MAP3K2: variants seen among roughly 807,000 people sequenced by gnomAD.
The protein encoded by MAP3K2 is mitogen-activated protein kinase kinase kinase 2.
A neutral mutation model predicts 80.3 loss-of-function variants in MAP3K2; 24 were observed. That is an observed-to-expected ratio of 0.30 (90% CI 0.22 to 0.42). The LOEUF (loss-of-function observed/expected upper bound fraction) is 0.42, where lower values mean the gene tolerates loss of function less well. MAP3K2 is among the 10% of genes least tolerant of loss of function. The pLI is 1.00. For missense variants in MAP3K2, 608 were observed against 750.1 expected (o/e 0.81, Z 2.21); for synonymous variants, 244 against 253.7 (o/e 0.96, Z 0.36).
chr2:127,334,774 A>ATT (rs11378420), intron 5 of MAP3K2, among the ~76,000 whole-genome samples: 9,347 of 141,290 alleles, frequency 0.066, 394 homozygotes, highest in Middle Eastern at 0.098. Context: ...TACTTTATGC[A>ATT]TTTTTTTTTT....
intron 12 of MAP3K2, among the ~76,000 whole-genome samples, chr2:127,318,984 C>T (rs1231448046): frequency 6.6e-6 from 1 of 152,116 alleles, no homozygotes; most frequent in Non-Finnish European, 1.5e-5. Flanking sequence ...CACAGGTGAG[C>T]TCACACCTGC....
intron 5 of MAP3K2, among the ~76,000 whole-genome samples, 185 bp downstream of exon 5, chr2:127,335,685 C>T (rs79061622): frequency 0.013 from 2,034 of 152,236 alleles, 48 homozygotes; most frequent in African/African-American, 0.046. Flanking sequence ...ATAGTAGCAC[C>T]CTCTATTATT....
In MAP3K2 at chr2:127,312,006, T is replaced by C. The variant is rs143205049; in HGVS notation, c.1456+2748A>G. On this transcript the variant is annotated intron_variant, in intron 15 of 16. Coordinates refer to ENST00000682094, the MANE Select transcript of MAP3K2 (RefSeq NM_001371910.2). ...TTTTAACATGCTCATCTGTCCTATATGTATATTACATAATTCTGTAACCGA... is the reference window on the plus strand; with the variant it reads ...TTTTAACATGCTCATCTGTCCTATACGTATATTACATAATTCTGTAACCGA... Among the ~76,000 whole-genome samples the C allele has an allele frequency of 1.6e-3, 250 of 152,336 alleles. 8 individuals are homozygous for C. The East Asian group carries it at 0.043, about 26-fold the overall frequency.
chr2:127,339,729 A>G lies in MAP3K2; in HGVS notation c.5-679T>C, dbSNP rs1045078127. Among the ~76,000 whole-genome samples the G allele has an allele frequency of 9.2e-5, 14 of 152,342 alleles. No homozygotes were observed. In the East Asian group the frequency reaches 1.5e-3, roughly 17 times the overall value. On this transcript the variant is annotated intron_variant, in intron 2 of 16. Coordinates refer to ENST00000682094, the MANE Select transcript of MAP3K2 (RefSeq NM_001371910.2). This position sits in a 1 kb window ranked among gnomAD's most constrained non-coding sequence, Gnocchi z 4.2. ...CATGAACTTTTAGACTCTTATAAAT[A>G]TACCAAAGATTTCCTTCTGAGACTA... is the stretch of plus-strand genomic sequence containing the variant.
intron 1 of MAP3K2, among the ~76,000 whole-genome samples, chr2:127,355,783 C>T (rs1686786715): frequency 6.6e-6 from 1 of 152,148 alleles, no homozygotes; most frequent in Non-Finnish European, 1.5e-5. Flanking sequence ...GCATTCGATG[C>T]TGTTTGATAA....
Position 127,299,472 on chromosome 2 carries a change from T to G in MAP3K2, c.*8107A>C, listed in dbSNP as rs1395151816. The G allele has an allele frequency of 6.6e-6, 1 of 152,148 alleles. No homozygotes were observed. Among genetic ancestry groups the G allele is most frequent in the Non-Finnish European group, 1.5e-5 (1 of 67,990 alleles). The allele number at this position is 152,148 out of a possible 1,614,324, so 9.4% of individuals were successfully genotyped here. ...TTTTGGGGTGGAATACAGGAAATATTCAAAGACAACAGTAGGACAGGCCAA... is the reference window on the plus strand; with the variant it reads ...TTTTGGGGTGGAATACAGGAAATATGCAAAGACAACAGTAGGACAGGCCAA... On this transcript the variant is annotated 3_prime_UTR_variant, in exon 17 of 17. Coordinates refer to ENST00000682094, the MANE Select transcript of MAP3K2 (RefSeq NM_001371910.2).
chr2:127,344,693 T>C (rs1417993194), intron 1 of MAP3K2, among the ~76,000 whole-genome samples: 1 of 152,102 alleles, frequency 6.6e-6, no homozygotes, highest in African/African-American at 2.4e-5. Flanking sequence ...TAAAATTACC[T>C]TTAGCTATAT....
chr2:127,376,022 T>A (rs72848615), intron 1 of MAP3K2, among the ~76,000 whole-genome samples: 36,850 of 152,056 alleles, frequency 0.24, 4,693 homozygotes, highest in Middle Eastern at 0.31. Context: ...ACTGCACATA[T>A]CTGTACTCTC....
In MAP3K2 at chr2:127,306,074, G is replaced by C. The variant is rs1028210199; in HGVS notation, c.*1505C>G. 3.9e-5 allele frequency: 6 copies of C among 152,068 alleles called. No homozygotes were observed. The highest frequency in any genetic ancestry group is 8.8e-5 in the Non-Finnish European group (6 of 67,990). The allele number at this position is 152,068 out of a possible 1,614,324, so 9.4% of individuals were successfully genotyped here. On this transcript the variant is annotated 3_prime_UTR_variant, in exon 17 of 17. Coordinates refer to ENST00000682094, the MANE Select transcript of MAP3K2 (RefSeq NM_001371910.2). This position sits in a 1 kb window ranked among gnomAD's most constrained non-coding sequence, Gnocchi z 4.7. ...GTGGGTGCAATATGCAGCTGGTAAAGTGATTGCTATTTGCTGTTTGTTGAG... is the reference window on the plus strand; with the variant it reads ...GTGGGTGCAATATGCAGCTGGTAAACTGATTGCTATTTGCTGTTTGTTGAG...
At position 127,305,855 on chromosome 2, in the gene MAP3K2, T is replaced by C. The variant is rs1031526003; in HGVS notation, c.*1724A>G. 6.6e-6 allele frequency: 1 copy of C among 152,140 alleles called. No homozygotes were observed. The highest frequency in any genetic ancestry group is 1.5e-5 in the Non-Finnish European group (1 of 68,018). The allele number at this position is 152,140 out of a possible 1,614,324, so 9.4% of individuals were successfully genotyped here. ...CCATTTAACAATGTCCTTGCTCTTA[T>C]TGGATACATTGTACTAGAAATACGT... On this transcript the variant is annotated 3_prime_UTR_variant, in exon 17 of 17. Coordinates refer to ENST00000682094, the MANE Select transcript of MAP3K2 (RefSeq NM_001371910.2).
Position 127,321,532 on chromosome 2 carries a change from T to G in MAP3K2, c.1045+514A>C, listed in dbSNP as rs753844390. ...GCTTACACAGTAAGGTCTGAATGCT[T>G]TGCAATCCAGCCTGAGTTACCACTG... On this transcript the variant is annotated intron_variant, in intron 12 of 16. Transcript: ENST00000682094. This position sits in a 1 kb window ranked among gnomAD's most constrained non-coding sequence, Gnocchi z 4.4. 6.6e-6 allele frequency among the ~76,000 whole-genome samples: 1 copy of G among 152,210 alleles called. No homozygotes were observed. The highest frequency in any genetic ancestry group is 1.5e-5 in the Non-Finnish European group (1 of 68,034).
chr2:127,387,535 C>G lies in MAP3K2; in HGVS notation c.-149G>C. On this transcript the variant is annotated 5_prime_UTR_variant, in exon 1 of 17. Transcript: ENST00000682094. ...GCCCGCCCCTCCGCCCCAGCGCGGCCTGTCACCGCGGCCCCAGGTCGGGGG... is the reference window on the plus strand; with the variant it reads ...GCCCGCCCCTCCGCCCCAGCGCGGCGTGTCACCGCGGCCCCAGGTCGGGGG... 1.0e-6 allele frequency: 1 copy of G among 985,042 alleles called. No homozygotes were observed. The highest frequency in any genetic ancestry group is 1.2e-6 in the Non-Finnish European group (1 of 829,766). The allele number at this position is 985,042 out of a possible 1,614,324, so 61.0% of individuals were successfully genotyped here. A position where few individuals can be genotyped will look rare whatever the true frequency, so the allele number is the denominator to read the frequency against.
chr2:127,330,755 T>C (rs1686241123), intron 5 of MAP3K2, among the ~76,000 whole-genome samples: 1 of 152,180 alleles, frequency 6.6e-6, no homozygotes, highest in Non-Finnish European at 1.5e-5. Flanking sequence ...AAAATAACAT[T>C]TAAAGATTAA....
chr2:127,360,779 T>A lies in MAP3K2; in HGVS notation c.-65-17585A>T, dbSNP rs542002422. On this transcript the variant is annotated intron_variant, in intron 1 of 16. Transcript: ENST00000682094. ...TTTGTTTGCCAGACCGTAAATGAACTGAGTTTTTAAAAAATGAAGTCAAAT... is the reference window on the plus strand; with the variant it reads ...TTTGTTTGCCAGACCGTAAATGAACAGAGTTTTTAAAAAATGAAGTCAAAT... 1.5e-4 allele frequency among the ~76,000 whole-genome samples: 23 copies of A among 152,302 alleles called. No homozygotes were observed. In the South Asian group the frequency reaches 1.9e-3, roughly 12 times the overall value.
chr2:127,374,072 G>A (rs541303959), intron 1 of MAP3K2, among the ~76,000 whole-genome samples: 16 of 152,282 alleles, frequency 1.1e-4, no homozygotes, highest in East Asian at 1.9e-4. Context: ...ATGGAAAAGC[G>A]GCTGTCTGGT....
chr2:127,382,316 A>G (rs1215528447), intron 1 of MAP3K2, among the ~76,000 whole-genome samples: 4 of 152,250 alleles, frequency 2.6e-5, no homozygotes, highest in South Asian at 2.1e-4. Flanking sequence ...CTTAGTTTCA[A>G]AGAGTTCAGC....
chr2:127,353,529 G>A (rs1320302366), intron 1 of MAP3K2, among the ~76,000 whole-genome samples: 3 of 151,636 alleles, frequency 2.0e-5, no homozygotes, highest in Admixed American at 2.0e-4. Context: ...GAAGTGAGGA[G>A]TGTCTCCGTC....
chr2:127,318,688 T>C (rs570903851), intron 12 of MAP3K2, among the ~76,000 whole-genome samples: 5 of 152,318 alleles, frequency 3.3e-5, no homozygotes, highest in African/African-American at 1.2e-4. Context: ...ACCTACAATG[T>C]AGAAAGCTGG....
intron 4 of MAP3K2, 150 bp downstream of exon 4, chr2:127,337,588 T>C: frequency 2.0e-6 from 1 of 507,712 alleles, no homozygotes; most frequent in South Asian, 3.2e-5. Flanking sequence ...ATCTTAAGTC[T>C]AAGCACATTA....
Sources: allele counts gnomAD v4.1 joint callset (sites outside exome capture counted in the v4.1 genomes callset), GRCh38; gene constraint gnomAD v4.1.1; non-coding constraint Gnocchi (gnomAD v3.1); transcripts MANE v1.5; gene names NCBI Gene and HGNC (gene_info 2026-07-23, HGNC 2026-07-21).